The following FBXO10 variants were observed in gnomAD, a reference collection of about 807,000 sequenced individuals.
FBXO10 encodes the protein F-box only protein 10.
In FBXO10, 39 loss-of-function variants were observed where a neutral mutation model predicts 80.7. That is an observed-to-expected ratio of 0.48 (90% CI 0.37 to 0.63). FBXO10 has a LOEUF of 0.63. FBXO10 is among the 30% of genes least tolerant of loss of function. The pLI is 0.00. For missense variants in FBXO10, 1,025 were observed against 1,269.0 expected, an observed-to-expected ratio of 0.81 and a Z score of 2.92; for synonymous variants, 449 against 489.6, an observed-to-expected ratio of 0.92 and a Z score of 1.09.
rs1333184875 is a variant in FBXO10, at chr9:37,512,308, T to A, written c.*239A>T. ...AGCTTCCCCCGCTCTTCACAATCTT[T>A]ATAGACTTCGAGTGACTGGAAACCC... On this transcript the variant is annotated 3_prime_UTR_variant, in exon 11 of 11. Coordinates refer to ENST00000432825, the MANE Select transcript of FBXO10 (RefSeq NM_012166.3). The A allele has an allele frequency of 4.8e-6, 2 of 412,706 alleles. No individual in the cohort carries two copies. Among genetic ancestry groups the A allele is most frequent in the East Asian group, 7.9e-5 (2 of 25,424 alleles). 25.6% of individuals were successfully genotyped at this position (412,706 alleles called of 1,614,324 possible). A position where few individuals can be genotyped will look rare whatever the true frequency, so the allele number is the denominator to read the frequency against.
chr9:37,553,916 C>CAAAAAAAAAAAAAAAAAAAAAAAAAAAA (rs71494669), intron 1 of FBXO10, among the ~76,000 whole-genome samples: 1 of 64,332 alleles, frequency 1.6e-5, no homozygotes, highest in Non-Finnish European at 2.8e-5. Context: ...AAGTCTGCCT[C>CAAAAAAAAAAAAAAAAAAAAAAAAAAAA]AAAAAAAAAA....
chr9:37,545,362 A>G (rs1283058713), intron 1 of FBXO10, among the ~76,000 whole-genome samples: 1 of 151,958 alleles, frequency 6.6e-6, no homozygotes, highest in African/African-American at 2.4e-5. Context: ...TATTTTTAGT[A>G]GAGACGGGGT....
intron 1 of FBXO10, among the ~76,000 whole-genome samples, chr9:37,549,444 C>T (rs149421804): frequency 3.3e-5 from 5 of 152,314 alleles, no homozygotes; most frequent in African/African-American, 1.2e-4. Context: ...CTAAAAGCCT[C>T]TCTGTGTCCC....
chr9:37,523,105 T>A, intron 6 of FBXO10, 128 bp from the exon 7 acceptor site: 1 of 1,005,006 alleles, frequency 1.0e-6, no homozygotes, highest in Non-Finnish European at 1.4e-6. Context: ...TGCCAGCAAT[T>A]AGCACTGTAA....
intron 1 of FBXO10, among the ~76,000 whole-genome samples, chr9:37,566,822 C>T (rs1352674476): frequency 2.0e-5 from 3 of 152,152 alleles, no homozygotes; most frequent in East Asian, 1.9e-4. Flanking sequence ...TTCTTCAAAC[C>T]GTAGCTCTCT....
At chr9:37,539,352 C>T (rs1202907876) in intron 2 of FBXO10, among the ~76,000 whole-genome samples, 2 of 152,352 alleles carry the variant, frequency 1.3e-5, no homozygotes, top group African/African-American at 4.8e-5. Context: ...GTGAAATCGC[C>T]TTGGCCTTTG....
intron 1 of FBXO10, among the ~76,000 whole-genome samples, chr9:37,553,572 CAT>C (rs1822260899): frequency 1.3e-5 from 2 of 151,876 alleles, no homozygotes; most frequent in African/African-American, 4.8e-5. Context: ...AAAAAATGTT[CAT>C]TGAGAAAATT....
chr9:37,573,314 G>C (rs748051770), intron 1 of FBXO10, among the ~76,000 whole-genome samples: 6 of 152,148 alleles, frequency 3.9e-5, no homozygotes, highest in Non-Finnish European at 8.8e-5. Context: ...CAGGACACCA[G>C]GGGAACCCAG....
intron 1 of FBXO10, among the ~76,000 whole-genome samples, chr9:37,543,868 G>A (rs761342800): frequency 2.6e-5 from 4 of 152,170 alleles, no homozygotes; most frequent in Non-Finnish European, 5.9e-5. Context: ...GGTGGCTCAC[G>A]CCTGTAATCC....
rs375369253 is a variant in FBXO10 at position 37,537,734 on chromosome 9, A to G, written c.795T>C (p.Asp265=). The G allele has an allele frequency of 1.3e-5, 21 of 1,613,924 alleles. No individual in the cohort carries two copies. In the African/African-American group the frequency reaches 2.4e-4, roughly 18 times the overall value. ...GTAGATACTTGTAGGCCCAGTTCTT[A>G]TCTGCAGATGGGTGACCCTCAACAG... ...SVTVEGHPSA[D]KNWAYKYLLG... is the part of the protein sequence containing the mutation. Residue 265 remains aspartate (D), a synonymous_variant, in exon 3 of 11, where the codon GAT becomes GAC. Transcript: ENST00000432825.
intron 4 of FBXO10, among the ~76,000 whole-genome samples, chr9:37,529,786 T>C (rs1357613640): frequency 6.6e-6 from 1 of 151,416 alleles, no homozygotes; most frequent in Non-Finnish European, 1.5e-5. Context: ...AGCTGTCCCA[T>C]GGGGCATAAG....
chr9:37,553,264 C>T (rs1822252130), intron 1 of FBXO10, among the ~76,000 whole-genome samples: 1 of 152,086 alleles, frequency 6.6e-6, no homozygotes, highest in African/African-American at 2.4e-5. Flanking sequence ...TGGTCTCGAT[C>T]TCTTGACCTC....
chr9:37,573,211 G>T (rs1445138666), intron 1 of FBXO10, among the ~76,000 whole-genome samples: 1 of 152,176 alleles, frequency 6.6e-6, no homozygotes, highest in Non-Finnish European at 1.5e-5. Flanking sequence ...CTGATAAGAA[G>T]TTTGAAAACA....
chr9:37,563,601 G>A (rs556187405), intron 1 of FBXO10, among the ~76,000 whole-genome samples: 18 of 152,312 alleles, frequency 1.2e-4, no homozygotes, highest in African/African-American at 4.3e-4. Flanking sequence ...GTCTCAGATG[G>A]AGATAAGCCA....
intron 2 of FBXO10, among the ~76,000 whole-genome samples, chr9:37,538,220 T>C (rs1455397019): frequency 6.6e-6 from 1 of 152,106 alleles, no homozygotes; most frequent in Admixed American, 6.5e-5. Context: ...CACTGCAGCA[T>C]GACTCCTCCT....
In FBXO10 at chr9:37,560,011, C is replaced by T. The variant is rs554190417; in HGVS notation, c.-7+16200G>A. On this transcript the variant is annotated intron_variant, in intron 1 of 10. Transcript: ENST00000432825. ...CCTTGAGATTGACTTCACTACTCTT[C>T]CCCAGGTGGTGTCAGTTCTGACCCC... Among the ~76,000 whole-genome samples, 135 of 152,306 alleles carry T rather than the reference C, an allele frequency of 8.9e-4. 1 individual carries two copies. The highest frequency in any genetic ancestry group is 2.7e-3 in the Admixed American group (42 of 15,302).
At chr9:37,539,798 C>T (rs1458210689) in intron 2 of FBXO10, among the ~76,000 whole-genome samples, 1 of 152,134 alleles carries the variant, frequency 6.6e-6, no homozygotes, top group Non-Finnish European at 1.5e-5. Flanking sequence ...CCTAATTACC[C>T]ACTTGAGAAA....
chr9:37,532,279 G>T (rs565051365), intron 3 of FBXO10, among the ~76,000 whole-genome samples: 1 of 150,506 alleles, frequency 6.6e-6, no homozygotes, highest in South Asian at 2.1e-4. Context: ...GCTCCTTAGC[G>T]GTCTCACATT....
rs368110111 is a variant in FBXO10, at chr9:37,531,927, C to T, written c.1551G>A (p.Lys517=). ...AAAGTACCAGTATGAGTGGGTTGGA[C>T]TTTTTCCGGATGTCTACACCAGCCT... ...NAEAGVDIRK[K]SNPLILCNQI... Residue 517 remains lysine (K), a synonymous_variant, in exon 4 of 11, where the codon AAG becomes AAA. Coordinates refer to ENST00000432825, the MANE Select transcript of FBXO10 (RefSeq NM_012166.3). 50 of 1,613,744 alleles carry T rather than the reference C, an allele frequency of 3.1e-5. No homozygotes were observed. The African/African-American group carries it at 6.1e-4, about 20-fold the overall frequency.
Sources: gnomAD v4.1 joint callset for allele counts (sites outside exome capture counted in the v4.1 genomes callset) on GRCh38, gnomAD v4.1.1 for gene constraint, MANE v1.5 for transcripts, NCBI Gene and HGNC (gene_info 2026-07-23, HGNC 2026-07-21) for gene names.